TPO: variants seen among roughly 807,000 people sequenced by gnomAD.
The protein encoded by TPO is thyroid peroxidase, also known as thyroid microsomal antigen.
Under a neutral mutation model 96.9 loss-of-function variants are expected in TPO, and 78 were observed. That is an observed-to-expected ratio of 0.81 (90% CI 0.67 to 0.97). The LOEUF is 0.97. Ranked by LOEUF, TPO falls within the 50% of genes least tolerant of loss-of-function variation. TPO has a pLI of 0.00. For missense variants in TPO, 1,252 were observed against 1,274.8 expected (o/e 0.98, Z 0.27); for synonymous variants, 547 against 538.0 (o/e 1.02, Z -0.23).
intron 15 of TPO, among the ~76,000 whole-genome samples, chr2:1,520,435 C>T (rs1037554632): frequency 5.3e-5 from 8 of 152,298 alleles, no homozygotes; most frequent in South Asian, 2.1e-4. Flanking sequence ...GAACCCAGCA[C>T]GGTGTGGCAC....
chr2:1,413,822 C>G, intron 1 of TPO: 1 of 823,650 alleles, frequency 1.2e-6, no homozygotes, highest in Non-Finnish European at 1.5e-6. Flanking sequence ...AAATTAGTGG[C>G]TCAAAAATAG....
intron 12 of TPO, among the ~76,000 whole-genome samples, 197 bp downstream of exon 12, chr2:1,496,394 C>T (rs1248869517): frequency 6.6e-6 from 1 of 152,112 alleles, no homozygotes; most frequent in Non-Finnish European, 1.5e-5. Flanking sequence ...GAACTGGAGG[C>T]CTAGAGAAAG....
intron 1 of TPO, among the ~76,000 whole-genome samples, chr2:1,391,254 C>T (rs566784356): frequency 2.3e-3 from 350 of 152,298 alleles, no homozygotes; most frequent in Non-Finnish European, 4.1e-3. Context: ...ATATGGCTAG[C>T]CAGTTTTCCC....
intron 5 of TPO, among the ~76,000 whole-genome samples, chr2:1,442,781 T>C (rs1236870495): frequency 6.6e-6 from 1 of 152,242 alleles, no homozygotes; most frequent in East Asian, 1.9e-4. Flanking sequence ...TCTAGGGTTG[T>C]CATGAGGCTG....
At chr2:1,458,403 G>T (rs868097666) in intron 7 of TPO, among the ~76,000 whole-genome samples, 4 of 151,702 alleles carry the variant, frequency 2.6e-5, no homozygotes, top group African/African-American at 4.9e-5. Flanking sequence ...ACAGTTTGTG[G>T]ACATGTGTGT....
At chr2:1,444,169 G>A (rs1353381285) in intron 5 of TPO, among the ~76,000 whole-genome samples, 3 of 124,758 alleles carry the variant, frequency 2.4e-5, no homozygotes, top group African/African-American at 3.1e-5. Flanking sequence ...AAGGGAATGG[G>A]GCAGGCTCCT....
intron 1 of TPO, among the ~76,000 whole-genome samples, chr2:1,384,209 G>T (rs1244781191): frequency 6.6e-6 from 1 of 152,060 alleles, no homozygotes; most frequent in Non-Finnish European, 1.5e-5. Context: ...GCTCTTTTTT[G>T]GTTCCATATG....
At chr2:1,462,310 G>A (rs1210973118) in intron 7 of TPO, among the ~76,000 whole-genome samples, 1 of 152,088 alleles carries the variant, frequency 6.6e-6, no homozygotes, top group African/African-American at 2.4e-5. Context: ...AGGGCTCTGC[G>A]CTAAGGTCCC....
chr2:1,484,048 T>C (rs79375477), intron 8 of TPO, among the ~76,000 whole-genome samples: 2,370 of 152,302 alleles, frequency 0.016, 63 homozygotes, highest in African/African-American at 0.054. Flanking sequence ...CACTGATTTT[T>C]CTGTCTGAAA....
chr2:1,518,749 A>G (rs1163520318), intron 15 of TPO, among the ~76,000 whole-genome samples: 1 of 152,252 alleles, frequency 6.6e-6, no homozygotes, highest in African/African-American at 2.4e-5. Flanking sequence ...TGTCAGATGT[A>G]ATGCTAAGTC....
chr2:1,399,007 C>T (rs1222936290), intron 1 of TPO, among the ~76,000 whole-genome samples: 2 of 152,258 alleles, frequency 1.3e-5, no homozygotes, highest in African/African-American at 2.4e-5. Context: ...TCACATTCTC[C>T]TTTCCAGGAA....
intron 15 of TPO, among the ~76,000 whole-genome samples, chr2:1,538,485 A>G (rs1038779064): frequency 6.6e-6 from 1 of 152,074 alleles, no homozygotes; most frequent in African/African-American, 2.4e-5. Context: ...TATAGAAAAT[A>G]ATTTAAAAAG....
chr2:1,503,654 C>T (rs941843163), intron 13 of TPO: 2 of 568,796 alleles, frequency 3.5e-6, no homozygotes, highest in Non-Finnish European at 6.7e-6. Flanking sequence ...TTCCACATTC[C>T]CAGGCAGACC....
Position 1,485,002 on chromosome 2 carries a change from T to C in TPO, c.1597+148T>C, listed in dbSNP as rs539632242. 6,850 of 1,304,668 alleles carry C rather than the reference T, an allele frequency of 5.3e-3. 21 individuals are homozygous for C. Among genetic ancestry groups the C allele is most frequent in the Non-Finnish European group, 5.7e-3 (5,441 of 956,648 alleles). The allele number at this position is 1,304,668 out of a possible 1,614,324, so 80.8% of individuals were successfully genotyped here. A position where few individuals can be genotyped will look rare whatever the true frequency, so the allele number is the denominator to read the frequency against. On this transcript the variant is annotated intron_variant, in intron 9 of 16. Coordinates refer to ENST00000329066, the MANE Select transcript of TPO (RefSeq NM_001206744.2). The stretch of plus-strand genomic sequence containing the variant: ...ATACATGTGCCATGTTGGTTTGCTG[T>C]ACCCATTAACTCGTAATTTACATTA...
At chr2:1,494,078 AC>A in intron 11 of TPO, 39 bp downstream of exon 11, 1 of 1,601,130 alleles carries the variant, frequency 6.2e-7, no homozygotes, top group Non-Finnish European at 8.6e-7. Flanking sequence ...CACGTTCTGC[AC>A]AGAGGCAGGT....
intron 2 of TPO, among the ~76,000 whole-genome samples, chr2:1,415,860 G>A (rs568810569): frequency 1.3e-5 from 2 of 152,250 alleles, no homozygotes; most frequent in African/African-American, 4.8e-5. Flanking sequence ...CAATTTTTCT[G>A]CATCTCAGGA....
chr2:1,512,815 T>G (rs1346358197), intron 14 of TPO, among the ~76,000 whole-genome samples: 1 of 152,182 alleles, frequency 6.6e-6, no homozygotes, highest in Non-Finnish European at 1.5e-5. Context: ...CCAGAGCATC[T>G]CAGGAGCTGG....
chr2:1,419,343 G>C (rs1307787720), intron 2 of TPO, among the ~76,000 whole-genome samples: 1 of 152,180 alleles, frequency 6.6e-6, no homozygotes, highest in Non-Finnish European at 1.5e-5. Flanking sequence ...GCTGGGAACT[G>C]AGGAAGGAAG....
At chr2:1,515,609 G>A (rs1439864902) in intron 14 of TPO, among the ~76,000 whole-genome samples, 1 of 152,170 alleles carries the variant, frequency 6.6e-6, no homozygotes, top group Non-Finnish European at 1.5e-5. Context: ...TGTCTGGGCT[G>A]GGAAAGACCC....
Sources: gnomAD v4.1 joint callset for allele counts (sites outside exome capture counted in the v4.1 genomes callset) on GRCh38, gnomAD v4.1.1 for gene constraint, MANE v1.5 for transcripts, NCBI Gene and HGNC (gene_info 2026-07-23, HGNC 2026-07-21) for gene names.